The following TDRD12 variants were observed in gnomAD, a reference collection of about 807,000 sequenced individuals.
TDRD12 encodes the protein putative ATP-dependent RNA helicase TDRD12.
A neutral mutation model predicts 133.5 loss-of-function variants in TDRD12; 158 were observed. That is an observed-to-expected ratio of 1.18 (90% CI 1.04 to 1.35). TDRD12 has a LOEUF of 1.35. Ranked by LOEUF, TDRD12 falls within the 40% of genes most tolerant of loss-of-function variation. TDRD12 has a pLI of 0.00. For synonymous variants in TDRD12, 460 were observed against 477.9 expected, an observed-to-expected ratio of 0.96 and a Z score of 0.49; for missense variants, 1,443 against 1,321.3, an observed-to-expected ratio of 1.09 and a Z score of -1.43.
intron 10 of TDRD12, among the ~76,000 whole-genome samples, chr19:32,774,096 C>T (rs1970513896): frequency 6.6e-6 from 1 of 152,174 alleles, no homozygotes; most frequent in South Asian, 2.1e-4. Context: ...ACTTTGTCCT[C>T]TTCAAGATAC....
intron 12 of TDRD12, 47 bp downstream of exon 12, chr19:32,790,638 G>C: frequency 6.4e-7 from 1 of 1,551,468 alleles, no homozygotes; most frequent in South Asian, 1.2e-5. Flanking sequence ...AGAAAAAACT[G>C]TTTATTCTTT....
intron 17 of TDRD12, 133 bp downstream of exon 17, chr19:32,800,491 A>C (rs1332164139): frequency 3.1e-6 from 3 of 964,862 alleles, no homozygotes; most frequent in Non-Finnish European, 4.4e-6. Context: ...TTTCATATAT[A>C]AATTATGAAT....
intron 11 of TDRD12, among the ~76,000 whole-genome samples, chr19:32,789,208 G>A (rs1267661504): frequency 2.0e-5 from 3 of 152,154 alleles, no homozygotes; most frequent in East Asian, 1.9e-4. Context: ...GGCCTCCCGC[G>A]GCTGGCTCAG....
chr19:32,822,123 A>G (rs1967417748), downstream of TDRD12, among the ~76,000 whole-genome samples: 1 of 152,102 alleles, frequency 6.6e-6, no homozygotes, highest in Non-Finnish European at 1.5e-5. Flanking sequence ...TATAAAAAAC[A>G]AAAAACAAAA....
chr19:32,749,230 G>C (rs187142752), intron 5 of TDRD12, among the ~76,000 whole-genome samples: 9 of 152,150 alleles, frequency 5.9e-5, no homozygotes, highest in Non-Finnish European at 1.2e-4. Flanking sequence ...AGCCATGGGG[G>C]CTGCTGGGAG....
intron 21 of TDRD12, among the ~76,000 whole-genome samples, chr19:32,805,582 C>G (rs1441192374): frequency 2.0e-5 from 3 of 151,952 alleles, no homozygotes; most frequent in Non-Finnish European, 4.4e-5. Context: ...GTTACTTTGG[C>G]CTATTGGTCT....
In TDRD12 at chr19:32,800,276, A is replaced by G. The variant is rs1227710834; in HGVS notation, c.1868A>G (p.His623Arg). 3.9e-6 allele frequency: 6 copies of G among 1,535,318 alleles called. No homozygotes were observed. In the South Asian group the frequency reaches 6.0e-5, roughly 15 times the overall value. ...GTTCATTGGAACAAACATATAGAAC[A>G]TCTCATCAAAGAGTTCATGAATGAT... The change falls in exon 17 of 28, where the codon CAT becomes CGT. Residue 623 changes from histidine (H) to arginine (R), a missense_variant. Physicochemically the swap from His to Arg is conservative, Grantham distance 29. Transcript: ENST00000444215.
chr19:32,719,942 A>C (rs925474855), exon 1 of TDRD12: 20 of 1,163,114 alleles, frequency 1.7e-5, no homozygotes, highest in Non-Finnish European at 2.4e-5. Context: ...CGGGGGGCCC[A>C]GGCGCTAAAG....
rs1969722386 is a variant in TDRD12, at chr19:32,748,458, A to G, written c.441-18A>G. The G allele has an allele frequency of 1.3e-6, 2 of 1,549,858 alleles. No homozygotes were observed. The highest frequency in any genetic ancestry group is 8.7e-7 in the Non-Finnish European group (1 of 1,146,132). ...TCAGATTTTTATGTAATGGAGTTGC[A>G]TCTGTTCACTGTTCCAGACCTGCCA... On this transcript the variant is annotated intron_variant, in intron 4 of 27. Coordinates refer to ENST00000444215, the Ensembl canonical transcript of TDRD12.
downstream of TDRD12, among the ~76,000 whole-genome samples, chr19:32,824,919 G>T (rs1967535724): frequency 6.6e-6 from 1 of 152,122 alleles, no homozygotes; most frequent in Non-Finnish European, 1.5e-5. Flanking sequence ...CTTTTTGGTT[G>T]ACGGCTCCGA....
chr19:32,780,729 T>C (rs1970739173), intron 11 of TDRD12, among the ~76,000 whole-genome samples: 1 of 152,084 alleles, frequency 6.6e-6, no homozygotes, highest in Non-Finnish European at 1.5e-5. Context: ...CGGCTGCTTC[T>C]CTGTTTTCAC....
exon 1 of TDRD12, chr19:32,720,066 C>A: frequency 6.5e-7 from 1 of 1,548,544 alleles, no homozygotes; most frequent in Admixed American, 2.0e-5. Flanking sequence ...CCTCGGGCGC[C>A]AGGAGGATGC....
At chr19:32,821,287 G>GC (rs754268121), downstream of TDRD12, 30 of 726,682 alleles carry the variant, frequency 4.1e-5, no homozygotes, top group East Asian at 6.2e-4. Context: ...TGACAGGTCA[G>GC]CCCCCAGTGT....
intron 19 of TDRD12, among the ~76,000 whole-genome samples, chr19:32,802,079 C>A (rs1424869424): frequency 6.7e-6 from 1 of 149,606 alleles, no homozygotes; most frequent in Non-Finnish European, 1.5e-5. Context: ...AGTGGGCAGC[C>A]ACCATTAGTC....
At chr19:32,722,986 T>C (rs946391929) in intron 1 of TDRD12, among the ~76,000 whole-genome samples, 43 of 152,064 alleles carry the variant, frequency 2.8e-4, no homozygotes, top group African/African-American at 1.0e-3. Context: ...GGCCCCCCCA[T>C]GTAACCTTTT....
At position 32,749,840 on chromosome 19, in the gene TDRD12, T is replaced by C. The variant is rs774371409; in HGVS notation, c.553T>C (p.Tyr185His). The C allele has an allele frequency of 3.2e-6, 5 of 1,548,942 alleles. No individual in the cohort carries two copies. The South Asian group carries it at 6.0e-5, about 19-fold the overall frequency. Residue 185 changes from tyrosine (Y) to histidine (H), a missense_variant, in exon 6 of 28, where the codon TAC becomes CAC. Coordinates refer to ENST00000444215, the Ensembl canonical transcript of TDRD12. ...TGTGGAAGAAGATACATTTGAGGTT[T>C]ACCTTTATGTAACTATAAAAGATGA... is the stretch of plus-strand genomic sequence containing the variant.
At chr19:32,758,225 C>G (rs1217932895) in intron 8 of TDRD12, among the ~76,000 whole-genome samples, 1 of 152,196 alleles carries the variant, frequency 6.6e-6, no homozygotes, top group African/African-American at 2.4e-5. Flanking sequence ...TCAGTGTAAC[C>G]TCATTCTTCT....
At position 32,724,689 on chromosome 19, in the gene TDRD12, A is replaced by G. The variant is rs182984583; in HGVS notation, c.24+4593A>G. ...GACTAGTGCTACAGTGAACATACGC[A>G]TGTATGTCTTTATAACAGAATGATT... On this transcript the variant is annotated intron_variant, in intron 1 of 27. Transcript: ENST00000444215. Among the ~76,000 whole-genome samples the G allele has an allele frequency of 2.6e-5, 4 of 152,266 alleles. No homozygotes were observed. The East Asian group carries it at 5.8e-4, about 22-fold the overall frequency.
intron 4 of TDRD12, among the ~76,000 whole-genome samples, chr19:32,746,256 G>A (rs563407981): frequency 1.1e-3 from 171 of 151,428 alleles, no homozygotes; most frequent in African/African-American, 3.8e-3. Flanking sequence ...TATTCTGTGT[G>A]TGTGAGAGAG....
Sources: gnomAD v4.1 joint callset for allele counts (sites outside exome capture counted in the v4.1 genomes callset) on GRCh38, gnomAD v4.1.1 for gene constraint, MANE v1.5 for transcripts, NCBI Gene and HGNC (gene_info 2026-07-23, HGNC 2026-07-21) for gene names.